Variants in DEPDC5 observed in about 807,000 individuals in gnomAD.
DEPDC5 encodes GATOR1 complex protein DEPDC5.
DEPDC5 carries 73 observed loss-of-function variants against 217.3 expected under a neutral mutation model. The observed-to-expected ratio is 0.34, with a 90% confidence interval of 0.28 to 0.41. The LOEUF is 0.41. DEPDC5 is among the 10% of genes least tolerant of loss of function. The pLI, the probability that DEPDC5 is intolerant of heterozygous loss-of-function variation, is 1.00. For missense variants in DEPDC5, 1,675 were observed against 2,070.1 expected (o/e 0.81, Z 3.70); for synonymous variants, 733 against 756.7 (o/e 0.97, Z 0.51).
intron 31 of DEPDC5, among the ~76,000 whole-genome samples, chr22:31,849,800 TA>T (rs2091933567): frequency 6.7e-6 from 1 of 150,036 alleles, no homozygotes; most frequent in South Asian, 2.1e-4. Context: ...AATAAGTAAA[TA>T]AAATAAAACC....
intron 40 of DEPDC5, among the ~76,000 whole-genome samples, chr22:31,901,017 C>T (rs1364560260): frequency 5.3e-5 from 8 of 152,018 alleles, no homozygotes; most frequent in Non-Finnish European, 1.0e-4. Context: ...CCGACGCAGG[C>T]GGATCACTTG....
At chr22:31,774,100 A>G (rs1485581111) in intron 7 of DEPDC5, among the ~76,000 whole-genome samples, 2 of 152,096 alleles carry the variant, frequency 1.3e-5, no homozygotes, top group African/African-American at 2.4e-5. Context: ...AACAACAACA[A>G]CAAAAAATAT....
intron 24 of DEPDC5, chr22:31,826,413 A>C: frequency 2.5e-6 from 1 of 405,182 alleles, no homozygotes; most frequent in Non-Finnish European, 4.9e-6. Context: ...TTACAATAAC[A>C]TATTTTGTAT....
At chr22:31,768,781 C>CCTCT (rs749024976) in intron 6 of DEPDC5, 33 bp from the exon 7 acceptor site, 1 of 1,562,606 alleles carries the variant, frequency 6.4e-7, no homozygotes, top group Non-Finnish European at 8.8e-7. Context: ...TCCCTCCCTC[C>CCTCT]CTCTCTCTAC....
At chr22:31,843,261 C>A in intron 28 of DEPDC5, 49 bp downstream of exon 28, 2 of 1,545,204 alleles carry the variant, frequency 1.3e-6, no homozygotes, top group South Asian at 1.1e-5. Context: ...TGAATTATGG[C>A]CACATACTAA....
At chr22:31,812,997 C>T (rs1377025799) in intron 20 of DEPDC5, among the ~76,000 whole-genome samples, 3 of 152,148 alleles carry the variant, frequency 2.0e-5, no homozygotes, top group African/African-American at 7.2e-5. Context: ...ACCTTGGCCT[C>T]CAAAAGTGCT....
At chr22:31,808,445 A>AT (rs1330283112) in intron 18 of DEPDC5, among the ~76,000 whole-genome samples, 1 of 142,008 alleles carries the variant, frequency 7.0e-6, no homozygotes, top group Non-Finnish European at 1.5e-5. Context: ...ATTATTTTTT[A>AT]TTTTTTTGAG....
chr22:31,763,770 A>T (rs2082596059), intron 4 of DEPDC5, among the ~76,000 whole-genome samples: 1 of 152,036 alleles, frequency 6.6e-6, no homozygotes. Context: ...TTTCAATTTG[A>T]GGAGAAAACA....
intron 38 of DEPDC5, among the ~76,000 whole-genome samples, chr22:31,887,367 C>T (rs1269691564): frequency 3.6e-5 from 5 of 139,098 alleles, no homozygotes; most frequent in Non-Finnish European, 7.5e-5. Context: ...TACAGTGTGC[C>T]GAGATTGCGC....
Position 31,833,988 on chromosome 22 carries a change from G to C in DEPDC5, c.2170+8G>C. The C allele has an allele frequency of 3.1e-6, 5 of 1,613,642 alleles. No homozygotes were observed. The highest frequency in any genetic ancestry group is 3.4e-6 in the Non-Finnish European group (4 of 1,179,610). ...CTACCTCTCCAGACCCAAGTAAGAG[G>C]GGGCAGCTGACTGGGGAAAGGGGTA... On this transcript the variant is annotated splice_region_variant and intron_variant, in intron 25 of 42. Coordinates refer to ENST00000651528, the MANE Select transcript of DEPDC5 (RefSeq NM_001242896.3).
chr22:31,783,655 G>A (rs926691678), intron 8 of DEPDC5, among the ~76,000 whole-genome samples: 1 of 152,072 alleles, frequency 6.6e-6, no homozygotes, highest in Non-Finnish European at 1.5e-5. Flanking sequence ...GGTGGCAAGA[G>A]TGAGATCCTG....
At chr22:31,890,293 C>G (rs2093412188) in intron 38 of DEPDC5, 1 of 152,134 alleles carries the variant, frequency 6.6e-6, no homozygotes, top group South Asian at 2.1e-4. Flanking sequence ...AATAAGTTTT[C>G]CCATTTGCAT....
chr22:31,904,029 G>A (rs1349004116), intron 41 of DEPDC5, among the ~76,000 whole-genome samples: 1 of 152,100 alleles, frequency 6.6e-6, no homozygotes, highest in Non-Finnish European at 1.5e-5. Context: ...GTCCATCTCA[G>A]AAAGAGCTAA....
chr22:31,825,555 C>T (rs2090074765), intron 24 of DEPDC5, among the ~76,000 whole-genome samples: 1 of 152,152 alleles, frequency 6.6e-6, no homozygotes, highest in African/African-American at 2.4e-5. Flanking sequence ...ACTCATGTCT[C>T]CCTGTTCCTC....
intron 38 of DEPDC5, chr22:31,880,297 T>C (rs1360688577): frequency 6.2e-6 from 1 of 160,450 alleles, no homozygotes; most frequent in Non-Finnish European, 1.4e-5. Context: ...AGCTCTAAGA[T>C]GGGGGTAAAC....
chr22:31,836,803 C>T, intron 25 of DEPDC5, 169 bp from the exon 26 acceptor site: 1 of 615,872 alleles, frequency 1.6e-6, no homozygotes, highest in Non-Finnish European at 2.9e-6. Context: ...AACTCTGTTT[C>T]TCTCTCTTTC....
At chr22:31,780,383 A>G (rs942454240) in intron 8 of DEPDC5, among the ~76,000 whole-genome samples, 1 of 152,036 alleles carries the variant, frequency 6.6e-6, no homozygotes, top group African/African-American at 2.4e-5. Context: ...GGTTGGGGAG[A>G]TTAGGAAGCT....
chr22:31,883,485 T>G (rs533770532), intron 38 of DEPDC5, among the ~76,000 whole-genome samples: 7 of 152,210 alleles, frequency 4.6e-5, no homozygotes, highest in Non-Finnish European at 8.8e-5. Context: ...GCTTCAGTCT[T>G]GCCTGCTGTG....
intron 38 of DEPDC5, chr22:31,890,333 A>G (rs1479429782): frequency 6.6e-6 from 1 of 152,186 alleles, no homozygotes; most frequent in Non-Finnish European, 1.5e-5. Flanking sequence ...TTTTCCATTC[A>G]TGAGATATTT....
Sources: allele counts gnomAD v4.1 joint callset (sites outside exome capture counted in the v4.1 genomes callset), GRCh38; gene constraint gnomAD v4.1.1; transcripts MANE v1.5; gene names NCBI Gene and HGNC (gene_info 2026-07-23, HGNC 2026-07-21).